FOXN3: variants seen among roughly 807,000 people sequenced by gnomAD.
FOXN3 encodes the protein forkhead box protein N3.
In FOXN3, 7 loss-of-function variants were observed where a neutral mutation model predicts 38.4. The ratio of observed to expected loss-of-function variants is 0.18; its 90% CI spans 0.10 to 0.34. FOXN3 has a LOEUF of 0.34. Among genes scored for constraint, FOXN3 ranks in the 10% least tolerant of loss-of-function variants. FOXN3 has a pLI of 1.00. For missense variants in FOXN3, 456 were observed against 613.4 expected (o/e 0.74, Z 2.71); for synonymous variants, 230 against 242.2 (o/e 0.95, Z 0.47).
chr14:89,599,556 ATTT>A (rs139501960), intron 1 of FOXN3, among the ~76,000 whole-genome samples: 2 of 146,638 alleles, frequency 1.4e-5, no homozygotes, highest in African/African-American at 5.4e-5. Flanking sequence ...CAATTTGTTT[ATTT>A]TTTATTGTTT....
chr14:89,546,003 C>T (rs778034478), intron 1 of FOXN3, among the ~76,000 whole-genome samples: 2 of 152,182 alleles, frequency 1.3e-5, no homozygotes, highest in African/African-American at 4.8e-5. Context: ...GAGTTAAATG[C>T]TCAATCAAGG....
At chr14:89,495,961 T>C (rs1051750167) in intron 1 of FOXN3, among the ~76,000 whole-genome samples, 1 of 152,178 alleles carries the variant, frequency 6.6e-6, no homozygotes, top group African/African-American at 2.4e-5. Context: ...CTGCCTGTAA[T>C]CCCAGCACTT....
chr14:89,391,531 C>T (rs1460923433), intron 2 of FOXN3, among the ~76,000 whole-genome samples: 1 of 152,218 alleles, frequency 6.6e-6, no homozygotes, highest in Non-Finnish European at 1.5e-5. Context: ...ACAAAGGCTG[C>T]TTCTTCCCAG....
At chr14:89,221,588 AT>A (rs1446660791) in intron 4 of FOXN3, among the ~76,000 whole-genome samples, 1 of 152,208 alleles carries the variant, frequency 6.6e-6, no homozygotes, top group Non-Finnish European at 1.5e-5. Context: ...CAACACAGTC[AT>A]AAAGAACTTG....
At chr14:89,186,192 C>T (rs889021797) in intron 4 of FOXN3, among the ~76,000 whole-genome samples, 2 of 152,180 alleles carry the variant, frequency 1.3e-5, no homozygotes, top group Non-Finnish European at 1.5e-5. Context: ...GGGGAGGGGG[C>T]TGGCACGGGG....
At chr14:89,587,231 T>TG (rs573330405) in intron 1 of FOXN3, among the ~76,000 whole-genome samples, 16 of 152,352 alleles carry the variant, frequency 1.1e-4, no homozygotes, top group Non-Finnish European at 1.5e-4. Flanking sequence ...ACCCACATTA[T>TG]GGGGGGTAAT....
intron 3 of FOXN3, among the ~76,000 whole-genome samples, chr14:89,329,629 G>A (rs1033386059): frequency 1.7e-4 from 26 of 152,010 alleles, no homozygotes; most frequent in East Asian, 1.9e-4. Flanking sequence ...AGGCCGAGGC[G>A]GGCGGATCAC....
chr14:89,354,120 TA>T, intron 2 of FOXN3, among the ~76,000 whole-genome samples: 2 of 152,322 alleles, frequency 1.3e-5, no homozygotes, highest in Non-Finnish European at 2.9e-5. Context: ...GAGAAGGCTA[TA>T]ACTTGATTAT....
intron 2 of FOXN3, among the ~76,000 whole-genome samples, chr14:89,394,058 GGAGA>G (rs944436398): frequency 4.0e-5 from 6 of 151,896 alleles, no homozygotes; most frequent in East Asian, 1.9e-4. Flanking sequence ...GAGGGGAGTG[GGAGA>G]GAGAGAAAGG....
chr14:89,327,755 T>A (rs765854497), intron 3 of FOXN3, among the ~76,000 whole-genome samples: 4 of 152,166 alleles, frequency 2.6e-5, no homozygotes, highest in African/African-American at 4.8e-5. Flanking sequence ...TTTAAAAACT[T>A]ACAATAAATC....
At chr14:89,264,409 A>G (rs535717550) in intron 4 of FOXN3, among the ~76,000 whole-genome samples, 1 of 152,306 alleles carries the variant, frequency 6.6e-6, no homozygotes, top group African/African-American at 2.4e-5. Context: ...CACTAACATG[A>G]CAGAACAGCA....
intron 1 of FOXN3, among the ~76,000 whole-genome samples, chr14:89,609,892 G>A (rs1484909447): frequency 6.6e-6 from 1 of 152,068 alleles, no homozygotes; most frequent in Non-Finnish European, 1.5e-5. Flanking sequence ...GTAAAACGAG[G>A]GCGGGGGCGG....
intron 4 of FOXN3, among the ~76,000 whole-genome samples, chr14:89,196,251 G>A (rs1238952843): frequency 1.3e-5 from 2 of 152,176 alleles, no homozygotes; most frequent in African/African-American, 2.4e-5. Context: ...CAGAATCAAC[G>A]GTCCAGCTAT....
chr14:89,262,739 A>C, intron 4 of FOXN3, among the ~76,000 whole-genome samples: 1 of 151,752 alleles, frequency 6.6e-6, no homozygotes, highest in South Asian at 2.1e-4. Flanking sequence ...AATGATGCTA[A>C]TTTTTTTTTA....
intron 1 of FOXN3, among the ~76,000 whole-genome samples, chr14:89,552,469 G>GT (rs60388074): frequency 0.037 from 5,695 of 152,270 alleles, 335 homozygotes; most frequent in African/African-American, 0.13. Context: ...TTTAAATGAG[G>GT]TTTTTACTCT....
intron 1 of FOXN3, among the ~76,000 whole-genome samples, chr14:89,435,656 G>A (rs1596272448): frequency 2.6e-5 from 4 of 152,304 alleles, no homozygotes; most frequent in African/African-American, 4.8e-5. Flanking sequence ...GTAAAAAGGG[G>A]ATGAAGTAGA....
chr14:89,437,021 C>A (rs1185170857), intron 1 of FOXN3, among the ~76,000 whole-genome samples: 2 of 152,080 alleles, frequency 1.3e-5, no homozygotes, highest in South Asian at 2.1e-4. Context: ...GTGGCAGACA[C>A]CTGTAATCCC....
intron 1 of FOXN3, among the ~76,000 whole-genome samples, chr14:89,529,942 T>G (rs751846427): frequency 8.7e-5 from 4 of 45,768 alleles, no homozygotes; most frequent in Non-Finnish European, 1.2e-4. Context: ...GACTGTGTAA[T>G]TTTTTTTTTT....
At chr14:89,505,355 G>A (rs934164363) in intron 1 of FOXN3, among the ~76,000 whole-genome samples, 123 of 142,378 alleles carry the variant, frequency 8.6e-4, no homozygotes, top group African/African-American at 2.8e-3. Flanking sequence ...CTGCCATCTC[G>A]GCTCACTGCA....
Sources: allele counts gnomAD v4.1 joint callset (sites outside exome capture counted in the v4.1 genomes callset), GRCh38; gene constraint gnomAD v4.1.1; transcripts MANE v1.5; gene names NCBI Gene and HGNC (gene_info 2026-07-23, HGNC 2026-07-21).